TRPM3: variants seen among roughly 807,000 people sequenced by gnomAD.
TRPM3 encodes transient receptor potential cation channel subfamily M member 3, also known as long transient receptor potential channel 3.
In TRPM3, 77 loss-of-function variants were observed where a neutral mutation model predicts 181.2. That is an observed-to-expected ratio of 0.42 (90% CI 0.35 to 0.51). TRPM3 has a LOEUF of 0.51. Among genes scored for constraint, TRPM3 ranks in the 20% least tolerant of loss-of-function variants. The pLI is 0.01. For missense variants in TRPM3, 1,759 were observed against 2,196.7 expected (o/e 0.80, Z 3.98); for synonymous variants, 745 against 796.4 (o/e 0.94, Z 1.09).
chr9:71,380,095 T>C (rs952853576), intron 1 of TRPM3, among the ~76,000 whole-genome samples: 2 of 152,078 alleles, frequency 1.3e-5, no homozygotes, highest in African/African-American at 4.8e-5. Flanking sequence ...AAGTCTTGAC[T>C]AAAATTGTTA....
chr9:71,391,538 T>G (rs534112493), intron 1 of TRPM3, among the ~76,000 whole-genome samples: 1 of 152,188 alleles, frequency 6.6e-6, no homozygotes, highest in South Asian at 2.1e-4. Context: ...GCTCAATTTA[T>G]AAATACAGTG....
chr9:70,618,675 G>C (rs995307367), intron 17 of TRPM3, among the ~76,000 whole-genome samples, 192 bp downstream of exon 17: 2 of 152,362 alleles, frequency 1.3e-5, no homozygotes, highest in African/African-American at 4.8e-5. Flanking sequence ...CAGGACCCAG[G>C]GGGAGGCCCC....
intron 1 of TRPM3, among the ~76,000 whole-genome samples, chr9:70,877,804 AACACAC>A (rs5898169): frequency 1.4e-5 from 2 of 146,216 alleles, no homozygotes; most frequent in African/African-American, 5.1e-5. Flanking sequence ...AAAATCATAA[AACACAC>A]ACACACACAC....
chr9:70,697,462 C>A (rs7860736), intron 8 of TRPM3, among the ~76,000 whole-genome samples: 53,894 of 152,142 alleles, frequency 0.35, 10,013 homozygotes, highest in African/African-American at 0.45. Flanking sequence ...TACATACATT[C>A]TATCACTGAA....
At chr9:70,764,276 A>G (rs776423839) in intron 7 of TRPM3, among the ~76,000 whole-genome samples, 2 of 152,186 alleles carry the variant, frequency 1.3e-5, no homozygotes, top group African/African-American at 4.8e-5. Flanking sequence ...GGATGAGTCT[A>G]TAGAGCTCTT....
At chr9:70,960,741 G>C (rs1406831362) in intron 1 of TRPM3, among the ~76,000 whole-genome samples, 1 of 152,138 alleles carries the variant, frequency 6.6e-6, no homozygotes, top group Non-Finnish European at 1.5e-5. Flanking sequence ...CCAGAGACAT[G>C]CAAATGTGCC....
chr9:70,661,133 GCAAGT>G (rs140789195), intron 9 of TRPM3, among the ~76,000 whole-genome samples: 57,682 of 151,202 alleles, frequency 0.38, 11,372 homozygotes, highest in African/African-American at 0.48. Context: ...TTTAACATAT[GCAAGT>G]CAAGTCAATA....
rs369135958 is a variant in TRPM3, at chr9:71,348,657, C to T, written c.183+97996G>A. Among the ~76,000 whole-genome samples the T allele has an allele frequency of 3.9e-4, 60 of 152,036 alleles. No homozygotes were observed. In the South Asian group the frequency reaches 0.012, roughly 30 times the overall value. On this transcript the variant is annotated intron_variant, in intron 1 of 24. Transcript: ENST00000357533. ...CAATCTCCGCTCACTGCAGCCTCAG[C>T]CTCCTGGGTTCAAGCGATTGCCTCA...
chr9:71,052,594 A>G (rs778665151), intron 1 of TRPM3, among the ~76,000 whole-genome samples: 4 of 152,158 alleles, frequency 2.6e-5, no homozygotes, highest in Non-Finnish European at 5.9e-5. Flanking sequence ...TCTTGCAAAC[A>G]CCTTATAATC....
intron 1 of TRPM3, among the ~76,000 whole-genome samples, chr9:71,303,429 T>C (rs2086965019): frequency 6.6e-6 from 1 of 152,210 alleles, no homozygotes; most frequent in Non-Finnish European, 1.5e-5. Flanking sequence ...TTTTGAACAC[T>C]GGTAAATGAA....
At chr9:71,087,547 C>T (rs2065477973) in intron 1 of TRPM3, among the ~76,000 whole-genome samples, 1 of 152,114 alleles carries the variant, frequency 6.6e-6, no homozygotes. Flanking sequence ...TTTTGTTTGT[C>T]TTGATACCCT....
chr9:70,897,133 A>G (rs2132946140), intron 1 of TRPM3, among the ~76,000 whole-genome samples: 1 of 145,696 alleles, frequency 6.9e-6, no homozygotes, highest in South Asian at 2.2e-4. Flanking sequence ...TGAAATATAC[A>G]ATAAATTCTT....
intron 1 of TRPM3, among the ~76,000 whole-genome samples, chr9:71,175,340 A>G (rs7022924): frequency 0.4 from 61,523 of 152,048 alleles, 12,736 homozygotes; most frequent in East Asian, 0.52. Context: ...TTCAAGAGGA[A>G]CAGAAGGTGA....
intron 1 of TRPM3, among the ~76,000 whole-genome samples, chr9:71,256,113 G>C (rs569743696): frequency 1.3e-5 from 2 of 152,300 alleles, no homozygotes; most frequent in African/African-American, 4.8e-5. Context: ...ATGCAGAAAA[G>C]AGAGAAAGTA....
chr9:71,283,762 T>A (rs2085052140), intron 1 of TRPM3, among the ~76,000 whole-genome samples: 1 of 152,258 alleles, frequency 6.6e-6, no homozygotes, highest in African/African-American at 2.4e-5. Flanking sequence ...TTCTTTTGGA[T>A]CTATACCCAG....
intron 1 of TRPM3, among the ~76,000 whole-genome samples, chr9:71,138,063 G>A (rs899213750): frequency 6.6e-6 from 1 of 151,718 alleles, no homozygotes; most frequent in Non-Finnish European, 1.5e-5. Flanking sequence ...GGAGTGAGCC[G>A]AGATCTTGCC....
intron 1 of TRPM3, among the ~76,000 whole-genome samples, chr9:71,080,467 T>G (rs1184013001): frequency 6.6e-6 from 1 of 152,198 alleles, no homozygotes; most frequent in Non-Finnish European, 1.5e-5. Context: ...TCTTGGGCTT[T>G]AAAACACTGT....
chr9:70,592,840 C>A (rs2058351042), intron 21 of TRPM3, among the ~76,000 whole-genome samples: 1 of 152,098 alleles, frequency 6.6e-6, no homozygotes, highest in African/African-American at 2.4e-5. Context: ...AAGCAATTGT[C>A]TGCCTCAGCC....
intron 1 of TRPM3, among the ~76,000 whole-genome samples, chr9:71,180,260 G>A (rs566661548): frequency 4.0e-5 from 6 of 151,876 alleles, no homozygotes; most frequent in Non-Finnish European, 8.8e-5. Context: ...TCACCATGTT[G>A]GTCAGGCTGG....
Sources: allele counts gnomAD v4.1 joint callset (sites outside exome capture counted in the v4.1 genomes callset), GRCh38; gene constraint gnomAD v4.1.1; transcripts MANE v1.5; gene names NCBI Gene and HGNC (gene_info 2026-07-23, HGNC 2026-07-21).